Variants in EPHA4 observed in about 807,000 individuals in gnomAD.
EPHA4 encodes the protein ephrin type-A receptor 4.
Under a neutral mutation model 108.3 loss-of-function variants are expected in EPHA4, and 19 were observed. That is an observed-to-expected ratio of 0.18 (90% CI 0.12 to 0.26). The LOEUF (loss-of-function observed/expected upper bound fraction) is 0.26. Among genes scored for constraint, EPHA4 ranks in the 10% least tolerant of loss-of-function variants. EPHA4 has a pLI of 1.00. For missense variants in EPHA4, 917 were observed against 1,254.0 expected (o/e 0.73, Z 4.06); for synonymous variants, 449 against 455.5 (o/e 0.99, Z 0.18).
chr2:221,493,200 T>C (rs1394138631), intron 4 of EPHA4, among the ~76,000 whole-genome samples: 1 of 152,108 alleles, frequency 6.6e-6, no homozygotes, highest in Non-Finnish European at 1.5e-5. Context: ...TACTTGCAGC[T>C]CTAAAGCAAA....
intron 3 of EPHA4, among the ~76,000 whole-genome samples, chr2:221,525,194 G>C (rs1693285815): frequency 6.6e-6 from 1 of 152,178 alleles, no homozygotes; most frequent in Admixed American, 6.5e-5. Flanking sequence ...GGACAGAGCA[G>C]CTGCAAATCA....
intron 2 of EPHA4, among the ~76,000 whole-genome samples, chr2:221,566,686 C>T (rs1331213480): frequency 6.6e-6 from 1 of 151,316 alleles, no homozygotes; most frequent in East Asian, 1.9e-4. Context: ...ATACAGTCAG[C>T]TCTGCATAGT....
chr2:221,536,713 A>C (rs188945799), intron 3 of EPHA4, among the ~76,000 whole-genome samples: 8 of 152,356 alleles, frequency 5.3e-5, no homozygotes, highest in Middle Eastern at 3.4e-3. Context: ...TCAGGACAAC[A>C]AAGATGTGCT....
chr2:221,435,255 T>C (rs1426769198), intron 13 of EPHA4, among the ~76,000 whole-genome samples: 1 of 152,208 alleles, frequency 6.6e-6, no homozygotes, highest in Admixed American at 6.5e-5. Flanking sequence ...TTGTACTGCA[T>C]TCCCCCCTGC....
At chr2:221,482,213 T>C in intron 5 of EPHA4, 139 bp downstream of exon 5, 1 of 922,014 alleles carries the variant, frequency 1.1e-6, no homozygotes, top group Non-Finnish European at 1.6e-6. Flanking sequence ...GCCCAGCCCC[T>C]AAGTATCTTT....
intron 5 of EPHA4, among the ~76,000 whole-genome samples, chr2:221,463,396 G>A (rs539711625): frequency 2.6e-5 from 4 of 152,206 alleles, no homozygotes; most frequent in African/African-American, 4.8e-5. Context: ...GAATGCTTTC[G>A]AAATAGAATC....
intron 17 of EPHA4, among the ~76,000 whole-genome samples, chr2:221,424,883 T>C (rs914513295): frequency 1.3e-5 from 2 of 152,170 alleles, no homozygotes; most frequent in Non-Finnish European, 1.5e-5. Context: ...ATGTGTACCA[T>C]GAATGAATGG....
chr2:221,526,852 C>CAAAAAAAAAAAAAAAAA (rs528335766), intron 3 of EPHA4, among the ~76,000 whole-genome samples: 1 of 48,590 alleles, frequency 2.1e-5, no homozygotes, highest in African/African-American at 8.3e-5. Flanking sequence ...GACTCGGCCT[C>CAAAAAAAAAAAAAAAAA]AAAAAAAAAA....
chr2:221,437,063 T>C lies in EPHA4; in HGVS notation c.2134A>G (p.Arg712Gly). ...TTTAATATAAAGTAGTCACATACCC[T>C]GAGGAATGCATCCAAGGAGCCATTC... ...MENGSLDAFL[R>G]KNDGRFTVIQ... is the part of the protein sequence containing the mutation. The change falls in exon 12 of 18, where the codon AGG becomes GGG. Residue 712 changes from arginine to glycine, a missense_variant and splice_region_variant. By Grantham distance (125) the Arg-to-Gly change is moderately radical. Around this residue, in one of 3 missense-constraint regions of EPHA4, gnomAD observed 758 missense variants for 1,076.7 expected, o/e 0.70. Coordinates refer to ENST00000281821, the MANE Select transcript of EPHA4 (RefSeq NM_004438.5). 1 of 1,608,304 alleles carries C rather than the reference T, an allele frequency of 6.2e-7. No homozygotes were observed.
chr2:221,572,955 C>T (rs1402010992), upstream of EPHA4: 1 of 152,288 alleles, frequency 6.6e-6, no homozygotes, highest in East Asian at 1.9e-4. Flanking sequence ...AACGTCCAGT[C>T]CGCAGCAGGG....
intron 4 of EPHA4, 109 bp downstream of exon 4, chr2:221,500,908 C>T (rs1418244465): frequency 4.2e-6 from 5 of 1,191,222 alleles, no homozygotes; most frequent in Non-Finnish European, 5.7e-6. Context: ...AATGTTTGAT[C>T]TCAAGTGCCC....
At chr2:221,485,987 A>G (rs1299821689) in intron 4 of EPHA4, among the ~76,000 whole-genome samples, 1 of 152,042 alleles carries the variant, frequency 6.6e-6, no homozygotes, top group African/African-American at 2.4e-5. Flanking sequence ...AAAAAACCTA[A>G]CTCCGATTAT....
At chr2:221,431,296 G>A (rs2106093690) in intron 14 of EPHA4, among the ~76,000 whole-genome samples, 1 of 152,288 alleles carries the variant, frequency 6.6e-6, no homozygotes, top group African/African-American at 2.4e-5. Flanking sequence ...CAGTGGTTGA[G>A]CCATCCCAAT....
chr2:221,557,766 A>G (rs1319018282), intron 3 of EPHA4, among the ~76,000 whole-genome samples: 3 of 152,242 alleles, frequency 2.0e-5, no homozygotes, highest in Non-Finnish European at 4.4e-5. Flanking sequence ...AGATTTTAAC[A>G]TATCATATTG....
rs962075903 is a variant in EPHA4, at chr2:221,520,008, G to A, written c.824-18836C>T. On this transcript the variant is annotated intron_variant, in intron 3 of 17. Coordinates refer to ENST00000281821, the MANE Select transcript of EPHA4 (RefSeq NM_004438.5). ...TCTCTTTTGCTTCCTCTCCCATTTC[G>A]TTTACTGACCATTATCAAAATTTAA... is the stretch of plus-strand genomic sequence containing the variant. Among the ~76,000 whole-genome samples, 5 of 150,946 alleles carry A rather than the reference G, an allele frequency of 3.3e-5. No homozygotes were observed. The South Asian group carries it at 8.4e-4, about 25-fold the overall frequency.
chr2:221,563,469 G>A (rs373999924), intron 3 of EPHA4, among the ~76,000 whole-genome samples: 49 of 152,288 alleles, frequency 3.2e-4, no homozygotes, highest in African/African-American at 1.1e-3. Flanking sequence ...TTCAGAGGGC[G>A]CATCAAGCCA....
chr2:221,502,494 C>T (rs368345355), intron 3 of EPHA4: 77 of 470,618 alleles, frequency 1.6e-4, no homozygotes, highest in South Asian at 9.0e-4. Context: ...GCAGCCAAAA[C>T]GGAACAACCA....
At chr2:221,523,607 T>G (rs1196830554) in intron 3 of EPHA4, among the ~76,000 whole-genome samples, 1 of 140,768 alleles carries the variant, frequency 7.1e-6, no homozygotes, top group Non-Finnish European at 1.5e-5. Context: ...TTAGTAACTT[T>G]TTTTGAGACA....
Position 221,482,620 on chromosome 2 carries a change from G to A in EPHA4, c.1050C>T (p.Ser350=). The change falls in exon 5 of 18, where the codon AGC becomes AGT. Residue 350 remains serine (S), a synonymous_variant. Transcript: ENST00000281821. ...CCTGGCGGCCACCTGTATTCTGAGG[G>A]CTACTCCATTCCAAGTTCACAGATG... ...NETSVNLEWS[S]PQNTGGRQDI... 6.2e-7 allele frequency: 1 copy of A among 1,612,076 alleles called. No homozygotes were observed. The highest frequency in any genetic ancestry group is 8.5e-7 in the Non-Finnish European group (1 of 1,178,318).
Sources: allele counts gnomAD v4.1 joint callset (sites outside exome capture counted in the v4.1 genomes callset), GRCh38; gene constraint gnomAD v4.1.1; regional missense constraint gnomAD v4.1.1; transcripts MANE v1.5; gene names NCBI Gene and HGNC (gene_info 2026-07-23, HGNC 2026-07-21).